Variants in ARHGAP42 observed in about 807,000 individuals in gnomAD.
ARHGAP42 encodes rho GTPase-activating protein 42.
Under a neutral mutation model 125.0 loss-of-function variants are expected in ARHGAP42, and 63 were observed. That is an observed-to-expected ratio of 0.50 (90% CI 0.41 to 0.62). The LOEUF (loss-of-function observed/expected upper bound fraction) is 0.62. Among genes scored for constraint, ARHGAP42 ranks in the 20% least tolerant of loss-of-function variants. The pLI is 0.00. For missense variants in ARHGAP42, 766 were observed against 1,024.2 expected (o/e 0.75, Z 3.44); for synonymous variants, 339 against 351.0 (o/e 0.97, Z 0.38).
intron 3 of ARHGAP42, among the ~76,000 whole-genome samples, chr11:100,831,178 G>A (rs581773): frequency 0.07 from 10,624 of 152,120 alleles, 513 homozygotes; most frequent in East Asian, 0.24. Context: ...GTGTGTGAAC[G>A]GGGGCCAGTA....
chr11:100,834,058 T>A (rs1189122495), intron 3 of ARHGAP42, among the ~76,000 whole-genome samples: 4 of 152,212 alleles, frequency 2.6e-5, no homozygotes, highest in African/African-American at 9.6e-5. Flanking sequence ...TATTGATTTC[T>A]ATATGGTAGG....
chr11:100,930,072 A>G lies in ARHGAP42; in HGVS notation c.598-3084A>G, dbSNP rs137902971. On this transcript the variant is annotated intron_variant, in intron 6 of 23. Transcript: ENST00000298815. ...CTATATGAGATTTCGTCAGTGATAA[A>G]AGGAACTTTCTTAGTATTCAAACCT... Among the ~76,000 whole-genome samples the G allele has an allele frequency of 3.3e-3, 496 of 152,344 alleles. 3 individuals are homozygous for G. The highest frequency in any genetic ancestry group is 0.011 in the African/African-American group (462 of 41,578).
At chr11:100,828,473 AG>A (rs1296007110) in intron 3 of ARHGAP42, among the ~76,000 whole-genome samples, 4 of 152,148 alleles carry the variant, frequency 2.6e-5, no homozygotes, top group African/African-American at 9.7e-5. Flanking sequence ...TCTGTGAAAT[AG>A]TAATGCAGTT....
At chr11:100,827,410 C>A (rs527965491) in intron 3 of ARHGAP42, among the ~76,000 whole-genome samples, 4 of 152,212 alleles carry the variant, frequency 2.6e-5, no homozygotes, top group African/African-American at 9.7e-5. Context: ...GTATGCAACT[C>A]ATACTTTGTG....
At position 100,936,344 on chromosome 11, in the gene ARHGAP42, A is replaced by T; in HGVS notation, c.832+12A>T. ...TGTCCAGGAGAAACGTGAGTCACAAAGACATAATTTCACGTCTCTTATGAC... is the reference window on the plus strand; with the variant it reads ...TGTCCAGGAGAAACGTGAGTCACAATGACATAATTTCACGTCTCTTATGAC... On this transcript the variant is annotated intron_variant, in intron 8 of 23. Transcript: ENST00000298815. 1 of 1,551,462 alleles carries T rather than the reference A, an allele frequency of 6.4e-7. No individual in the cohort carries two copies. Among genetic ancestry groups the T allele is most frequent in the South Asian group, 1.2e-5 (1 of 84,042 alleles).
In ARHGAP42 at chr11:100,855,444, T is replaced by A. The variant is rs77568301; in HGVS notation, c.313-4110T>A. ...CAGATTTATTTTATTCCATTGCTACTTTTTTTAATGAATAAGTGTGGCAAG... is the reference window on the plus strand; with the variant it reads ...CAGATTTATTTTATTCCATTGCTACATTTTTTAATGAATAAGTGTGGCAAG... On this transcript the variant is annotated intron_variant, in intron 3 of 23. Coordinates refer to ENST00000298815, the MANE Select transcript of ARHGAP42 (RefSeq NM_152432.4). 3.0e-3 allele frequency among the ~76,000 whole-genome samples: 462 copies of A among 152,164 alleles called. 4 individuals carry two copies. The highest frequency in any genetic ancestry group is 0.01 in the African/African-American group (417 of 41,536).
intron 1 of ARHGAP42, among the ~76,000 whole-genome samples, chr11:100,738,989 GA>G (rs1591139818): frequency 6.6e-6 from 1 of 152,120 alleles, no homozygotes; most frequent in Non-Finnish European, 1.5e-5. Context: ...CAGAACTTAG[GA>G]AAAAAGCTGT....
chr11:100,751,971 G>A (rs527533949), intron 1 of ARHGAP42, among the ~76,000 whole-genome samples: 1 of 151,768 alleles, frequency 6.6e-6, no homozygotes, highest in Admixed American at 6.6e-5. Context: ...ATAGAGATGG[G>A]GTTTCACCAG....
intron 6 of ARHGAP42, among the ~76,000 whole-genome samples, chr11:100,929,116 A>G (rs1478609651): frequency 3.3e-5 from 5 of 152,158 alleles, no homozygotes. Context: ...CTATTTTTCC[A>G]TGAAAAAATT....
In ARHGAP42 at chr11:100,865,979, C is replaced by T. The variant is rs568507594; in HGVS notation, c.384+6354C>T. ...TCATGAAAGTATTTTCTGGAGTGTG[C>T]GATATTGCTTTTTGATAGCATTTTA... is the stretch of plus-strand genomic sequence containing the variant. On this transcript the variant is annotated intron_variant, in intron 4 of 23. Coordinates refer to ENST00000298815, the MANE Select transcript of ARHGAP42 (RefSeq NM_152432.4). Among the ~76,000 whole-genome samples the T allele has an allele frequency of 4.6e-5, 7 of 152,164 alleles. No individual in the cohort carries two copies. The South Asian group carries it at 6.2e-4, about 14-fold the overall frequency.
At chr11:100,695,384 A>G (rs1591111320) in intron 1 of ARHGAP42, among the ~76,000 whole-genome samples, 1 of 151,744 alleles carries the variant, frequency 6.6e-6, no homozygotes, top group African/African-American at 2.4e-5. Flanking sequence ...GCTCACCGCA[A>G]CCTCCACCTC....
chr11:100,843,849 ATGT>A (rs1565238267), intron 3 of ARHGAP42, among the ~76,000 whole-genome samples: 1 of 152,180 alleles, frequency 6.6e-6, no homozygotes, highest in Non-Finnish European at 1.5e-5. Context: ...GATAGAATCA[ATGT>A]TGTGAAAAAG....
intron 3 of ARHGAP42, among the ~76,000 whole-genome samples, chr11:100,843,376 C>T (rs899065445): frequency 1.3e-5 from 2 of 151,948 alleles, no homozygotes; most frequent in African/African-American, 4.8e-5. Flanking sequence ...TTGCTTATTT[C>T]TACCAGTCAT....
At chr11:100,900,679 C>G (rs942525608) in intron 4 of ARHGAP42, among the ~76,000 whole-genome samples, 1 of 152,140 alleles carries the variant, frequency 6.6e-6, no homozygotes, top group African/African-American at 2.4e-5. Context: ...TGCTGATACC[C>G]TTTCTTCCAC....
intron 4 of ARHGAP42, among the ~76,000 whole-genome samples, chr11:100,898,935 G>A (rs1649354685): frequency 1.3e-5 from 2 of 152,014 alleles, no homozygotes; most frequent in South Asian, 2.1e-4. Context: ...TGTGATGTTA[G>A]GGTGTCGATT....
chr11:100,909,037 G>A (rs1028559896), intron 4 of ARHGAP42, among the ~76,000 whole-genome samples: 1 of 152,138 alleles, frequency 6.6e-6, no homozygotes, highest in African/African-American at 2.4e-5. Context: ...CTTCTCTTGA[G>A]AAGTATCTAT....
At position 100,893,301 on chromosome 11, in the gene ARHGAP42, T is replaced by A. The variant is rs80117873; in HGVS notation, c.385-20151T>A. 3.2e-3 allele frequency among the ~76,000 whole-genome samples: 484 copies of A among 152,224 alleles called. 3 individuals carry two copies. Among genetic ancestry groups the A allele is most frequent in the African/African-American group, 0.011 (469 of 41,548 alleles). ...TTTCCAGTTTGTTGTAGGTTGATGT[T>A]GGACCTCATGATATGGAGAGAAAAT... is the stretch of plus-strand genomic sequence containing the variant. On this transcript the variant is annotated intron_variant, in intron 4 of 23. Coordinates refer to ENST00000298815, the MANE Select transcript of ARHGAP42 (RefSeq NM_152432.4).
chr11:100,729,392 G>T (rs573251280), intron 1 of ARHGAP42, among the ~76,000 whole-genome samples: 42 of 152,120 alleles, frequency 2.8e-4, no homozygotes, highest in Admixed American at 1.7e-3. Flanking sequence ...GAAAATTAAA[G>T]CATAAGAAAA....
At chr11:100,798,496 G>A (rs530117857) in intron 3 of ARHGAP42, among the ~76,000 whole-genome samples, 58 of 152,244 alleles carry the variant, frequency 3.8e-4, no homozygotes, top group African/African-American at 1.2e-3. Flanking sequence ...AGGCTCAGAC[G>A]ATTGTTAGCA....
Sources: gnomAD v4.1 joint callset for allele counts (sites outside exome capture counted in the v4.1 genomes callset) on GRCh38, gnomAD v4.1.1 for gene constraint, MANE v1.5 for transcripts, NCBI Gene and HGNC (gene_info 2026-07-23, HGNC 2026-07-21) for gene names.